The following CNTNAP2 variants were observed in gnomAD, a reference collection of about 807,000 sequenced individuals.
The protein encoded by CNTNAP2 is contactin-associated protein-like 2.
In CNTNAP2, 98 loss-of-function variants were observed where a neutral mutation model predicts 155.2. The observed-to-expected ratio is 0.63, with a 90% confidence interval of 0.54 to 0.75. CNTNAP2 has a LOEUF of 0.75. Ranked by LOEUF, CNTNAP2 falls within the 30% of genes least tolerant of loss-of-function variation. CNTNAP2 has a pLI of 0.00. For missense variants in CNTNAP2, 1,727 were observed against 1,688.1 expected (o/e 1.02, Z -0.40); for synonymous variants, 651 against 631.2 (o/e 1.03, Z -0.47).
At chr7:146,257,413 C>T (rs1799856664) in intron 1 of CNTNAP2, among the ~76,000 whole-genome samples, 1 of 152,134 alleles carries the variant, frequency 6.6e-6, no homozygotes, top group African/African-American at 2.4e-5. Context: ...ATACCTTCTG[C>T]TGTTTACAAG....
chr7:146,365,497 A>G (rs373064599), intron 1 of CNTNAP2, among the ~76,000 whole-genome samples: 30 of 152,214 alleles, frequency 2.0e-4, no homozygotes, highest in African/African-American at 7.0e-4. Context: ...GGACAGATAC[A>G]TGTGTCTTTA....
At chr7:146,173,195 T>G (rs1584786390) in intron 1 of CNTNAP2, among the ~76,000 whole-genome samples, 1 of 152,292 alleles carries the variant, frequency 6.6e-6, no homozygotes, top group East Asian at 1.9e-4. Flanking sequence ...TAGTTTTAAT[T>G]TTGTTCAGTT....
intron 2 of CNTNAP2, among the ~76,000 whole-genome samples, chr7:146,798,538 G>T (rs1294310867): frequency 1.3e-5 from 2 of 152,066 alleles, no homozygotes; most frequent in African/African-American, 2.4e-5. Flanking sequence ...TAGAGATGGG[G>T]TTTTGCCATG....
chr7:146,858,726 T>A (rs1795040256), intron 3 of CNTNAP2, among the ~76,000 whole-genome samples: 1 of 152,160 alleles, frequency 6.6e-6, no homozygotes, highest in Non-Finnish European at 1.5e-5. Context: ...ACTATAAAAT[T>A]TAGCTACCCC....
chr7:148,087,122 T>C (rs1803748841), intron 15 of CNTNAP2, among the ~76,000 whole-genome samples: 1 of 152,156 alleles, frequency 6.6e-6, no homozygotes, highest in Non-Finnish European at 1.5e-5. Flanking sequence ...CGAACTATCA[T>C]TTTTGAGATC....
At chr7:148,333,244 A>G (rs189501801) in intron 21 of CNTNAP2, among the ~76,000 whole-genome samples, 91 of 152,318 alleles carry the variant, frequency 6.0e-4, no homozygotes, top group African/African-American at 2.1e-3. Context: ...CCTGGCCGAC[A>G]TGGCAAAACC....
chr7:147,152,044 A>T (rs1013398291), intron 8 of CNTNAP2, among the ~76,000 whole-genome samples: 2 of 152,300 alleles, frequency 1.3e-5, no homozygotes, highest in South Asian at 2.1e-4. Flanking sequence ...GGAAAGCATC[A>T]TGTCTTCTGC....
At chr7:146,469,659 A>G (rs568514524) in intron 1 of CNTNAP2, among the ~76,000 whole-genome samples, 1 of 151,162 alleles carries the variant, frequency 6.6e-6, no homozygotes, top group African/African-American at 2.4e-5. Context: ...AGTAGCTGGA[A>G]TTACAGGCAC....
At position 146,332,674 on chromosome 7, in the gene CNTNAP2, A is replaced by G. The variant is rs147431302; in HGVS notation, c.97+215701A>G. On this transcript the variant is annotated intron_variant, in intron 1 of 23. Coordinates refer to ENST00000361727, the MANE Select transcript of CNTNAP2 (RefSeq NM_014141.6). Reference sequence around the variant, plus strand: ...TCGTTAATACAGGCTTCCATTGTCTATAAACAATGATCACTTGAGAATTAA... The same window carrying G: ...TCGTTAATACAGGCTTCCATTGTCTGTAAACAATGATCACTTGAGAATTAA... Among the ~76,000 whole-genome samples, 48 of 152,316 alleles carry G rather than the reference A, an allele frequency of 3.2e-4. 1 individual carries two copies. The East Asian group carries it at 8.7e-3, about 28-fold the overall frequency.
intron 1 of CNTNAP2, among the ~76,000 whole-genome samples, chr7:146,374,138 T>A (rs2129103357): frequency 6.6e-6 from 1 of 152,230 alleles, no homozygotes; most frequent in South Asian, 2.1e-4. Flanking sequence ...TGTTTTTTTG[T>A]TTACGTTTTT....
At chr7:146,992,352 T>C (rs1204170741) in intron 3 of CNTNAP2, among the ~76,000 whole-genome samples, 3 of 152,310 alleles carry the variant, frequency 2.0e-5, no homozygotes, top group South Asian at 2.1e-4. Flanking sequence ...ATACATATTG[T>C]TGTAGGACTT....
chr7:146,836,412 A>G (rs1385126916), intron 2 of CNTNAP2, among the ~76,000 whole-genome samples: 1 of 152,214 alleles, frequency 6.6e-6, no homozygotes, highest in African/African-American at 2.4e-5. Flanking sequence ...CAGAGGTAGT[A>G]TGGTCTACAA....
In CNTNAP2 at chr7:147,927,623, G is replaced by A. The variant is rs149524644; in HGVS notation, c.2255+23902G>A. Among the ~76,000 whole-genome samples, 1,030 of 152,228 alleles carry A rather than the reference G, an allele frequency of 6.8e-3. 3 individuals carry two copies. The highest frequency in any genetic ancestry group is 0.01 in the Middle Eastern group (3 of 294). ...AATTTCTAAAACCAAGTTGTTCCTT[G>A]AGACATATGCAATATCTTCAGAATT... On this transcript the variant is annotated intron_variant, in intron 14 of 23. Coordinates refer to ENST00000361727, the MANE Select transcript of CNTNAP2 (RefSeq NM_014141.6).
chr7:147,135,132 A>G (rs1025248887), intron 8 of CNTNAP2, among the ~76,000 whole-genome samples: 1 of 151,926 alleles, frequency 6.6e-6, no homozygotes, highest in Admixed American at 6.6e-5. Flanking sequence ...TATTAAATAC[A>G]TCTTACAAGT....
At chr7:146,528,060 C>T (rs1336402155) in intron 1 of CNTNAP2, among the ~76,000 whole-genome samples, 4 of 151,942 alleles carry the variant, frequency 2.6e-5, no homozygotes, top group Non-Finnish European at 5.9e-5. Flanking sequence ...GATATAATTA[C>T]CAGAGTCTTC....
chr7:146,391,750 TTTGTTG>T (rs148790995), intron 1 of CNTNAP2, among the ~76,000 whole-genome samples: 4,269 of 116,750 alleles, frequency 0.037, 89 homozygotes, highest in African/African-American at 0.087. Context: ...GAACACGGTT[TTTGTTG>T]TTGTTGTTGT....
At chr7:148,169,625 A>C (rs905624419) in intron 17 of CNTNAP2, among the ~76,000 whole-genome samples, 3 of 152,226 alleles carry the variant, frequency 2.0e-5, no homozygotes, top group African/African-American at 7.2e-5. Context: ...GATGCTATGC[A>C]GATACTAAGC....
chr7:146,680,863 G>T (rs1177045938), intron 1 of CNTNAP2, among the ~76,000 whole-genome samples: 1 of 152,188 alleles, frequency 6.6e-6, no homozygotes, highest in Admixed American at 6.5e-5. Context: ...TCTTACATAG[G>T]TTCACTGCAT....
At chr7:147,356,089 G>C (rs1030634897) in intron 9 of CNTNAP2, among the ~76,000 whole-genome samples, 1 of 152,104 alleles carries the variant, frequency 6.6e-6, no homozygotes, top group Non-Finnish European at 1.5e-5. Context: ...TATCCACCAT[G>C]ATCAAGTCAG....
Sources: gnomAD v4.1 joint callset for allele counts (sites outside exome capture counted in the v4.1 genomes callset) on GRCh38, gnomAD v4.1.1 for gene constraint, MANE v1.5 for transcripts, NCBI Gene and HGNC (gene_info 2026-07-23, HGNC 2026-07-21) for gene names.